Variants in GRSF1 observed in about 807,000 individuals in gnomAD.
The protein encoded by GRSF1 is G-rich sequence factor 1.
GRSF1 carries 50 observed loss-of-function variants against 51.1 expected under a neutral mutation model. That is an observed-to-expected ratio of 0.98 (90% CI 0.78 to 1.24). The LOEUF (loss-of-function observed/expected upper bound fraction) is 1.24. Ranked by LOEUF, GRSF1 falls within the 50% of genes most tolerant of loss-of-function variation. GRSF1 has a pLI of 0.00. For missense variants in GRSF1, 700 were observed against 639.7 expected (o/e 1.09, Z -1.02); for synonymous variants, 293 against 253.3 (o/e 1.16, Z -1.49).
At chr4:70,821,686 T>C (rs1372227361) in intron 9 of GRSF1, among the ~76,000 whole-genome samples, 2 of 149,960 alleles carry the variant, frequency 1.3e-5, no homozygotes, top group African/African-American at 4.9e-5. Context: ...TTTTTTTTTT[T>C]TTTTTGAGAC....
chr4:70,835,793 T>C (rs1220571343), intron 2 of GRSF1, among the ~76,000 whole-genome samples: 1 of 152,202 alleles, frequency 6.6e-6, no homozygotes, highest in Non-Finnish European at 1.5e-5. Context: ...AAAGTCTTTA[T>C]ACATATGTAA....
chr4:70,826,882 G>A (rs1373883636), intron 6 of GRSF1, among the ~76,000 whole-genome samples: 1 of 152,080 alleles, frequency 6.6e-6, no homozygotes, highest in East Asian at 1.9e-4. Context: ...TATATATAGT[G>A]ACAAGATAAT....
In GRSF1 at chr4:70,839,781, C is replaced by T; in HGVS notation, c.47G>A (p.Gly16Asp). The change falls in exon 1 of 10, where the codon GGC becomes GAC. Residue 16 changes from glycine (G) to aspartate (D), a missense_variant. Gly to Asp is a moderately conservative substitution (Grantham distance 94). Coordinates refer to ENST00000254799, the MANE Select transcript of GRSF1 (RefSeq NM_002092.4). ...WVLGALLRGC[G>D]CNCSSCRRTG... is the part of the protein sequence containing the mutation. The stretch of plus-strand genomic sequence containing the variant: ...GCGCCGGCAGCTGCTGCAGTTACAG[C>T]CGCAGCCCCGGAGCAGCGCCCCGAG... 6.6e-7 allele frequency: 1 copy of T among 1,506,086 alleles called. No individual in the cohort carries two copies. Among genetic ancestry groups the T allele is most frequent in the African/African-American group, 1.4e-5 (1 of 69,234 alleles). The allele number at this position is 1,506,086 out of a possible 1,614,324, so 93.3% of individuals were successfully genotyped here.
At chr4:70,831,146 G>A (rs917730666) in intron 5 of GRSF1, among the ~76,000 whole-genome samples, 18 of 151,700 alleles carry the variant, frequency 1.2e-4, no homozygotes, top group Admixed American at 3.3e-4. Context: ...TCACAAGGTC[G>A]AGAGATCGAG....
Position 70,836,179 on chromosome 4 carries a change from C to T in GRSF1, c.493G>A (p.Asp165Asn). ...QGLPWSCTME[D>N]VLNFFSDCRI... ...ATACCTGAAAAAAAGTTAAGCACAT[C>T]TTCCATAGTGCATGACCAGGGCAGT... The change falls in exon 2 of 10, where the codon GAT becomes AAT. Residue 165 changes from aspartate to asparagine, a missense_variant. By Grantham distance (23) the Asp-to-Asn change is conservative. Coordinates refer to ENST00000254799, the MANE Select transcript of GRSF1 (RefSeq NM_002092.4). 1 of 1,558,228 alleles carries T rather than the reference C, an allele frequency of 6.4e-7. No homozygotes were observed. The highest frequency in any genetic ancestry group is 1.2e-5 in the South Asian group (1 of 81,076).
rs1020731555 is a variant in GRSF1, at chr4:70,820,235, T to C, written c.*652A>G. 6.1e-4 allele frequency: 93 copies of C among 152,740 alleles called. No individual in the cohort carries two copies. The highest frequency in any genetic ancestry group is 2.1e-3 in the African/African-American group (89 of 41,594). The allele number at this position is 152,740 out of a possible 1,614,324, so 9.5% of individuals were successfully genotyped here. A position where few individuals can be genotyped will look rare whatever the true frequency, so the allele number is the denominator to read the frequency against. ...GATAGGCACCACCGTTATACGCCTT[T>C]AGCACAAGGCTTAGAAAGGCAAAAC... is the stretch of plus-strand genomic sequence containing the variant. On this transcript the variant is annotated 3_prime_UTR_variant, in exon 10 of 10. Coordinates refer to ENST00000254799, the MANE Select transcript of GRSF1 (RefSeq NM_002092.4).
In GRSF1 at chr4:70,819,074, C is replaced by CA. The variant is rs1221445069; in HGVS notation, c.*1812dup. On this transcript the variant is annotated 3_prime_UTR_variant, in exon 10 of 10. Coordinates refer to ENST00000254799, the MANE Select transcript of GRSF1 (RefSeq NM_002092.4). ...ATGGCCACATTTTGTACAGAAAACT[C>CA]AGCCTGTAGCGTGCCAAGAAGATAT... 3.9e-5 allele frequency: 6 copies of CA among 152,180 alleles called. No homozygotes were observed. Among genetic ancestry groups the CA allele is most frequent in the Non-Finnish European group, 7.3e-5 (5 of 68,030 alleles). 9.4% of individuals were successfully genotyped at this position (152,180 alleles called of 1,614,324 possible).
upstream of GRSF1, among the ~76,000 whole-genome samples, chr4:70,843,087 AAAATT>A (rs2148851030): frequency 6.6e-6 from 1 of 152,306 alleles, no homozygotes; most frequent in Admixed American, 6.5e-5. Context: ...ATAAATAAAT[AAAATT>A]AAATTATAAG....
In GRSF1 at chr4:70,839,577, G is replaced by A. The variant is rs565700106; in HGVS notation, c.251C>T (p.Thr84Ile). The change falls in exon 1 of 10, where the codon ACC (threonine) becomes ATC (isoleucine). Residue 84 changes from threonine to isoleucine, a missense_variant. By Grantham distance (89) the Thr-to-Ile change is moderately conservative. Coordinates refer to ENST00000254799, the MANE Select transcript of GRSF1 (RefSeq NM_002092.4). ...GRLAGPPAVA[T>I]SAAAAAAASY... ...CGCGGCGGCCGCGGCCGCGGCAGAG[G>A]TGGCCACAGCGGGAGGCCCCGCCAG... 212 of 1,423,250 alleles carry A rather than the reference G, an allele frequency of 1.5e-4. 1 individual carries two copies. The East Asian group carries it at 6.3e-3, about 42-fold the overall frequency. The allele number at this position is 1,423,250 out of a possible 1,614,324, so 88.2% of individuals were successfully genotyped here.
intron 9 of GRSF1, among the ~76,000 whole-genome samples, 165 bp downstream of exon 9, chr4:70,824,129 C>T (rs1025335287): frequency 6.6e-6 from 1 of 151,974 alleles, no homozygotes; most frequent in Admixed American, 6.6e-5. Context: ...CACCATCATG[C>T]TCGGTTAATT....
At chr4:70,835,873 G>A (rs76436784) in intron 2 of GRSF1, among the ~76,000 whole-genome samples, 3,968 of 152,260 alleles carry the variant, frequency 0.026, 176 homozygotes, top group African/African-American at 0.089. Flanking sequence ...CTTCCACCTT[G>A]GCCTCCCAAA....
chr4:70,840,041 G>A (rs944479787), upstream of GRSF1: 1 of 480,972 alleles, frequency 2.1e-6, no homozygotes, highest in Non-Finnish European at 3.7e-6. Flanking sequence ...GGTTTGGGCG[G>A]GGCTGCCCAT....
chr4:70,823,412 A>C (rs1016394471), intron 9 of GRSF1, among the ~76,000 whole-genome samples: 24 of 151,846 alleles, frequency 1.6e-4, no homozygotes, highest in African/African-American at 5.6e-4. Flanking sequence ...AAAATAAATA[A>C]ATAAATAAAA....
chr4:70,824,684 G>A (rs1733663781), intron 8 of GRSF1, among the ~76,000 whole-genome samples: 1 of 152,204 alleles, frequency 6.6e-6, no homozygotes, highest in South Asian at 2.1e-4. Context: ...TCGGGAGGCT[G>A]TGGCAGGACA....
chr4:70,832,288 T>C lies in GRSF1; in HGVS notation c.814+19A>G. On this transcript the variant is annotated intron_variant, in intron 4 of 9. Transcript: ENST00000254799. Reference sequence around the variant, plus strand: ...GAAAAAAGATATGAGCTCCCAAGCATAATACAACTGCAAAGTACCTGCAAA... The same window carrying C: ...GAAAAAAGATATGAGCTCCCAAGCACAATACAACTGCAAAGTACCTGCAAA... 4 of 1,609,480 alleles carry C rather than the reference T, an allele frequency of 2.5e-6. No individual in the cohort carries two copies. The highest frequency in any genetic ancestry group is 1.7e-4 in the Middle Eastern group (1 of 6,050).
intron 9 of GRSF1, among the ~76,000 whole-genome samples, chr4:70,821,828 A>C (rs1006089024): frequency 6.6e-6 from 1 of 151,960 alleles, no homozygotes; most frequent in African/African-American, 2.4e-5. Context: ...GACATGCACC[A>C]CCACACCCAG....
intron 1 of GRSF1, among the ~76,000 whole-genome samples, chr4:70,837,753 A>G (rs1213675966): frequency 1.4e-5 from 2 of 147,972 alleles, no homozygotes; most frequent in Non-Finnish European, 1.5e-5. Context: ...CTCCTGCCTC[A>G]GCCTCCCGGG....
chr4:70,830,459 A>C (rs532776934), intron 5 of GRSF1, among the ~76,000 whole-genome samples: 41 of 151,350 alleles, frequency 2.7e-4, no homozygotes, highest in African/African-American at 9.5e-4. Context: ...AAAAAAAAAA[A>C]AAACACACAC....
Position 70,836,252 on chromosome 4 carries a change from G to T in GRSF1, c.420C>A (p.Ser140=). 1 of 1,609,914 alleles carries T rather than the reference G, an allele frequency of 6.2e-7. No individual in the cohort carries two copies. The part of the protein sequence containing the change: ...PPPPEYELAP[S]KLEEEVDDVF... ...CATCATCCACTTCCTCTTCTAACTT[G>T]GACGGGGCCAATTCATACTCAGGGG... The change falls in exon 2 of 10, where the codon TCC becomes TCA. Residue 140 remains serine, a synonymous_variant. Transcript: ENST00000254799.
Sources: allele counts gnomAD v4.1 joint callset (sites outside exome capture counted in the v4.1 genomes callset), GRCh38; gene constraint gnomAD v4.1.1; transcripts MANE v1.5; gene names NCBI Gene and HGNC (gene_info 2026-07-23, HGNC 2026-07-21).